The following POLR3B variants were observed in gnomAD, a reference collection of about 807,000 sequenced individuals.
POLR3B encodes the protein DNA-directed RNA polymerase III subunit RPC2.
Under a neutral mutation model 147.4 loss-of-function variants are expected in POLR3B, and 96 were observed. The observed-to-expected ratio is 0.65, with a 90% confidence interval of 0.55 to 0.77. The LOEUF (loss-of-function observed/expected upper bound fraction) is 0.77. Among genes scored for constraint, POLR3B ranks in the 30% least tolerant of loss-of-function variants. POLR3B has a pLI of 0.00. For missense variants in POLR3B, 1,036 were observed against 1,413.5 expected, an observed-to-expected ratio of 0.73 and a Z score of 4.28; for synonymous variants, 461 against 485.9, an observed-to-expected ratio of 0.95 and a Z score of 0.67.
chr12:106,447,755 T>G (rs189965893), intron 19 of POLR3B, among the ~76,000 whole-genome samples: 7 of 152,356 alleles, frequency 4.6e-5, no homozygotes, highest in African/African-American at 1.7e-4. Context: ...TTAATGAATA[T>G]GCAGCACAGA....
intron 9 of POLR3B, among the ~76,000 whole-genome samples, chr12:106,381,336 A>G (rs952509708): frequency 6.6e-6 from 1 of 152,258 alleles, no homozygotes; most frequent in Non-Finnish European, 1.5e-5. Context: ...TACCCACAGT[A>G]GAACTTCTTT....
rs867953022 is a variant in POLR3B at position 106,358,186 on chromosome 12, C to A, written c.72+235C>A. The A allele has an allele frequency of 4.9e-6, 7 of 1,430,112 alleles. No homozygotes were observed. The South Asian group carries it at 1.0e-4, about 21-fold the overall frequency. 88.6% of individuals were successfully genotyped at this position (1,430,112 alleles called of 1,614,324 possible). A position where few individuals can be genotyped will look rare whatever the true frequency, so the allele number is the denominator to read the frequency against. On this transcript the variant is annotated intron_variant, in intron 1 of 27. Coordinates refer to ENST00000228347, the MANE Select transcript of POLR3B (RefSeq NM_018082.6). ...AGCCGCTGCGGGGGCCGAGAAGCCCCGCTGCTGGCTCTAGGGTTGGAGCTC... is the reference window on the plus strand; with the variant it reads ...AGCCGCTGCGGGGGCCGAGAAGCCCAGCTGCTGGCTCTAGGGTTGGAGCTC...
In POLR3B at chr12:106,369,504, A is replaced by G; in HGVS notation, c.304-79A>G. ...GTTCAATGTGGACCATAATTCTACT[A>G]CAGAAGGAGCACTTTGAAGTGGTCA... is the stretch of plus-strand genomic sequence containing the variant. On this transcript the variant is annotated intron_variant, in intron 5 of 27. Transcript: ENST00000228347. 2.9e-6 allele frequency: 3 copies of G among 1,028,554 alleles called. No individual in the cohort carries two copies. The Middle Eastern group carries it at 6.1e-4, about 208-fold the overall frequency. The allele number at this position is 1,028,554 out of a possible 1,614,324, so 63.7% of individuals were successfully genotyped here. A position where few individuals can be genotyped will look rare whatever the true frequency, so the allele number is the denominator to read the frequency against.
At chr12:106,502,921 A>C (rs2038625039) in intron 26 of POLR3B, among the ~76,000 whole-genome samples, 1 of 152,210 alleles carries the variant, frequency 6.6e-6, no homozygotes, top group African/African-American at 2.4e-5. Context: ...GTTGTGTAGA[A>C]AAAGTTATTA....
At chr12:106,438,848 A>T (rs2037613783) in intron 18 of POLR3B, among the ~76,000 whole-genome samples, 3 of 152,204 alleles carry the variant, frequency 2.0e-5, no homozygotes. Flanking sequence ...CTCTAAGTTT[A>T]TGTGCAGTAT....
At chr12:106,391,457 GT>G (rs34274773) in intron 9 of POLR3B, among the ~76,000 whole-genome samples, 51,112 of 152,012 alleles carry the variant, frequency 0.34, 11,427 homozygotes, top group African/African-American at 0.64. Flanking sequence ...ATCTATGAAG[GT>G]TTTTAAAACC....
intron 9 of POLR3B, among the ~76,000 whole-genome samples, chr12:106,389,016 T>C (rs2036879631): frequency 6.6e-6 from 1 of 152,230 alleles, no homozygotes; most frequent in East Asian, 1.9e-4. Flanking sequence ...CATAAGTTTA[T>C]TATGTAGGAT....
intron 10 of POLR3B, among the ~76,000 whole-genome samples, chr12:106,393,454 A>C (rs1205232787): frequency 6.6e-6 from 1 of 150,978 alleles, no homozygotes; most frequent in Admixed American, 6.6e-5. Flanking sequence ...GAGTGATAAT[A>C]TACTTTTTAA....
At chr12:106,394,262 T>C (rs746915319) in intron 10 of POLR3B, among the ~76,000 whole-genome samples, 1 of 152,174 alleles carries the variant, frequency 6.6e-6, no homozygotes, top group Non-Finnish European at 1.5e-5. Context: ...AGTTAATTAA[T>C]AGTTGACTGC....
chr12:106,469,358 G>C (rs544097072), intron 23 of POLR3B, among the ~76,000 whole-genome samples: 8 of 150,218 alleles, frequency 5.3e-5, no homozygotes, highest in Non-Finnish European at 1.0e-4. Flanking sequence ...CATGTGAGAT[G>C]GGTTTCCTGA....
chr12:106,392,248 C>T (rs1351185010), intron 9 of POLR3B, among the ~76,000 whole-genome samples: 1 of 152,156 alleles, frequency 6.6e-6, no homozygotes, highest in East Asian at 1.9e-4. Context: ...CTGCAACCTC[C>T]ACCGCCCGGG....
At chr12:106,489,408 C>T (rs965836979) in intron 23 of POLR3B, among the ~76,000 whole-genome samples, 9 of 152,190 alleles carry the variant, frequency 5.9e-5, no homozygotes, top group African/African-American at 2.2e-4. Context: ...TCATCATTGA[C>T]CCTCTCTTAT....
At chr12:106,459,150 AGTT>A in intron 21 of POLR3B, 98 bp from the exon 22 acceptor site, 1 of 761,416 alleles carries the variant, frequency 1.3e-6, no homozygotes, top group Non-Finnish European at 2.4e-6. Context: ...CAGCCTCCTG[AGTT>A]GTTGGGACTG....
chr12:106,375,080 A>G (rs188695660), intron 6 of POLR3B, among the ~76,000 whole-genome samples: 116 of 152,332 alleles, frequency 7.6e-4, no homozygotes, highest in Non-Finnish European at 1.4e-3. Context: ...ATTCTGAGTG[A>G]ATACGTAGCA....
intron 9 of POLR3B, among the ~76,000 whole-genome samples, chr12:106,390,976 G>T (rs903799979): frequency 6.6e-6 from 1 of 152,174 alleles, no homozygotes; most frequent in Non-Finnish European, 1.5e-5. Flanking sequence ...GGAGCCTGAG[G>T]CTGTAGAGCA....
intron 23 of POLR3B, among the ~76,000 whole-genome samples, chr12:106,483,476 T>G (rs1457127695): frequency 6.6e-6 from 1 of 152,168 alleles, no homozygotes; most frequent in Non-Finnish European, 1.5e-5. Context: ...AAAAGATGGA[T>G]ACGAAGGATT....
Position 106,454,565 on chromosome 12 carries a change from A to T in POLR3B, c.2147A>T (p.Gln716Leu). The change falls in exon 20 of 28, where the codon CAA becomes CTA. Residue 716 changes from glutamine (Q) to leucine (L), a missense_variant. Coordinates refer to ENST00000228347, the MANE Select transcript of POLR3B (RefSeq NM_018082.6). Reference protein sequence around the residue: ...DTLMYLLAYPQKPMVKTKTIE... With the variant: ...DTLMYLLAYPLKPMVKTKTIE... ...CTCATGTATCTACTAGCATATCCACAAAAACCCATGGTTAAGACAAAAACC... is the reference window on the plus strand; with the variant it reads ...CTCATGTATCTACTAGCATATCCACTAAAACCCATGGTTAAGACAAAAACC... 1 of 1,609,698 alleles carries T rather than the reference A, an allele frequency of 6.2e-7. No homozygotes were observed. The highest frequency in any genetic ancestry group is 8.5e-7 in the Non-Finnish European group (1 of 1,176,124).
chr12:106,454,681 C>G lies in POLR3B; in HGVS notation c.2263C>G (p.Leu755Val). ...SYSGYDIEDALVLNKASLDRG... is the reference protein window; with the variant it reads ...SYSGYDIEDAVVLNKASLDRG... ...TAGTGGCTATGATATTGAAGATGCT[C>G]TTGTTTTAAACAAGGCCTCTTTAGA... The change falls in exon 20 of 28, where the codon CTT (leucine) becomes GTT (valine). Residue 755 changes from leucine to valine, a missense_variant. Transcript: ENST00000228347. 2 of 1,610,188 alleles carry G rather than the reference C, an allele frequency of 1.2e-6. No homozygotes were observed. The highest frequency in any genetic ancestry group is 1.7e-6 in the Non-Finnish European group (2 of 1,176,618).
rs543619821 is a variant in POLR3B, at chr12:106,479,917, G to A, written c.2714-16138G>A. Among the ~76,000 whole-genome samples the A allele has an allele frequency of 4.6e-5, 7 of 150,940 alleles. 1 individual carries two copies. Among genetic ancestry groups the A allele is most frequent in the Admixed American group, 3.3e-4 (5 of 15,142 alleles). On this transcript the variant is annotated intron_variant, in intron 23 of 27. Transcript: ENST00000228347. Reference sequence around the variant, plus strand: ...CATCCTCAACCTCCTGGGCTCAAGCGATCCTTCCATCTCAGCCTCCTGAGT... The same window carrying A: ...CATCCTCAACCTCCTGGGCTCAAGCAATCCTTCCATCTCAGCCTCCTGAGT...
Sources: allele counts gnomAD v4.1 joint callset (sites outside exome capture counted in the v4.1 genomes callset), GRCh38; gene constraint gnomAD v4.1.1; transcripts MANE v1.5; gene names NCBI Gene and HGNC (gene_info 2026-07-23, HGNC 2026-07-21).